Variants in NKAIN2 observed in about 807,000 individuals in gnomAD.
NKAIN2 encodes the protein sodium/potassium transporting ATPase interacting 2, also known as sodium/potassium-transporting ATPase subunit beta-1-interacting protein 2.
A neutral mutation model predicts 32.6 loss-of-function variants in NKAIN2; 14 were observed. The observed-to-expected ratio is 0.43, with a 90% CI of 0.28 to 0.67. The LOEUF (loss-of-function observed/expected upper bound fraction) is 0.67. NKAIN2 is among the 30% of genes least tolerant of loss of function. NKAIN2 has a pLI of 0.17. For synonymous variants in NKAIN2, 80 were observed against 87.2 expected, an observed-to-expected ratio of 0.92 and a Z score of 0.46; for missense variants, 198 against 258.3, an observed-to-expected ratio of 0.77 and a Z score of 1.60.
intron 3 of NKAIN2, among the ~76,000 whole-genome samples, chr6:124,652,500 G>A (rs922649114): frequency 6.6e-5 from 10 of 151,996 alleles, no homozygotes; most frequent in African/African-American, 1.9e-4. Context: ...TCGGGTATTC[G>A]TTATAGTACC....
intron 3 of NKAIN2, among the ~76,000 whole-genome samples, chr6:124,631,709 G>T (rs1428550195): frequency 6.6e-6 from 1 of 152,116 alleles, no homozygotes; most frequent in Non-Finnish European, 1.5e-5. Context: ...TAACTATAAA[G>T]GAGTCTGATC....
chr6:124,704,575 C>T (rs1774956005), intron 4 of NKAIN2, among the ~76,000 whole-genome samples: 1 of 151,482 alleles, frequency 6.6e-6, no homozygotes, highest in Non-Finnish European at 1.5e-5. Flanking sequence ...CATAACCCTA[C>T]TGGGAGAAAA....
At chr6:124,234,246 T>C (rs1339194477) in intron 1 of NKAIN2, among the ~76,000 whole-genome samples, 1 of 152,176 alleles carries the variant, frequency 6.6e-6, no homozygotes, top group Non-Finnish European at 1.5e-5. Context: ...TATTTCTTCC[T>C]CCATTTATGC....
Position 124,625,285 on chromosome 6 carries a change from C to T in NKAIN2, c.274-32901C>T, listed in dbSNP as rs141905194. Reference sequence around the variant, plus strand: ...AAAAAACAAAAATCTTACTTTCAAACGACATAGGCAGCTGTGGTATGGGAG... The same window carrying T: ...AAAAAACAAAAATCTTACTTTCAAATGACATAGGCAGCTGTGGTATGGGAG... On this transcript the variant is annotated intron_variant, in intron 3 of 6. Coordinates refer to ENST00000368417, the MANE Select transcript of NKAIN2 (RefSeq NM_001040214.3). Among the ~76,000 whole-genome samples, 361 of 151,988 alleles carry T rather than the reference C, an allele frequency of 2.4e-3. 6 individuals carry two copies. Among genetic ancestry groups the T allele is most frequent in the African/African-American group, 8.3e-3 (343 of 41,440 alleles).
intron 1 of NKAIN2, among the ~76,000 whole-genome samples, chr6:124,133,968 CAG>C (rs1486379605): frequency 6.6e-6 from 1 of 151,898 alleles, no homozygotes; most frequent in Admixed American, 6.6e-5. Flanking sequence ...TATGACAAAA[CAG>C]AGTTCTATAA....
intron 1 of NKAIN2, among the ~76,000 whole-genome samples, chr6:123,959,441 G>T (rs1038626903): frequency 6.6e-6 from 1 of 152,130 alleles, no homozygotes; most frequent in South Asian, 2.1e-4. Context: ...ATTTAACACT[G>T]GCAACCACTG....
intron 3 of NKAIN2, among the ~76,000 whole-genome samples, chr6:124,636,628 C>T (rs977530339): frequency 1.3e-5 from 2 of 151,894 alleles, no homozygotes; most frequent in Non-Finnish European, 2.9e-5. Flanking sequence ...TTATGAAAAA[C>T]TCTATGCCAA....
At chr6:123,901,232 T>G (rs1242695920) in intron 1 of NKAIN2, among the ~76,000 whole-genome samples, 1 of 152,204 alleles carries the variant, frequency 6.6e-6, no homozygotes, top group African/African-American at 2.4e-5. Flanking sequence ...GGCCATATTT[T>G]CATACTAAGT....
chr6:124,787,890 C>A (rs1329048233), intron 4 of NKAIN2, among the ~76,000 whole-genome samples: 1 of 151,934 alleles, frequency 6.6e-6, no homozygotes, highest in Non-Finnish European at 1.5e-5. Flanking sequence ...AAACACAACC[C>A]CTATCTTTCC....
intron 3 of NKAIN2, among the ~76,000 whole-genome samples, chr6:124,537,280 C>T (rs1031933767): frequency 6.6e-6 from 1 of 152,146 alleles, no homozygotes; most frequent in Non-Finnish European, 1.5e-5. Flanking sequence ...CAGCAAGAAG[C>T]TGGAGAGTTA....
chr6:124,342,508 G>GT (rs1798174496), intron 2 of NKAIN2, among the ~76,000 whole-genome samples: 1 of 149,940 alleles, frequency 6.7e-6, no homozygotes, highest in African/African-American at 2.4e-5. Flanking sequence ...TTTTTTTGTT[G>GT]TTTTTTCTTT....
chr6:124,381,476 T>C (rs1322588), intron 3 of NKAIN2, among the ~76,000 whole-genome samples: 60,150 of 151,940 alleles, frequency 0.4, 12,176 homozygotes, highest in East Asian at 0.52. Flanking sequence ...AGAACCAATG[T>C]ATGAGAAATA....
At chr6:124,084,945 T>G (rs1784125715) in intron 1 of NKAIN2, among the ~76,000 whole-genome samples, 1 of 151,984 alleles carries the variant, frequency 6.6e-6, no homozygotes, top group Non-Finnish European at 1.5e-5. Flanking sequence ...AGCAGGTAAA[T>G]GCTGTAATGA....
chr6:123,837,705 A>C (rs556958627), intron 1 of NKAIN2, among the ~76,000 whole-genome samples: 1 of 152,204 alleles, frequency 6.6e-6, no homozygotes, highest in South Asian at 2.1e-4. Flanking sequence ...AGTCCTTACT[A>C]TGCTCTGACA....
intron 1 of NKAIN2, among the ~76,000 whole-genome samples, chr6:123,896,517 A>G (rs142320469): frequency 6.6e-6 from 1 of 152,194 alleles, no homozygotes; most frequent in Non-Finnish European, 1.5e-5. Flanking sequence ...GAAGAGAACT[A>G]ATATTTGAGC....
intron 3 of NKAIN2, among the ~76,000 whole-genome samples, chr6:124,534,640 A>G (rs1469023686): frequency 6.6e-6 from 1 of 152,228 alleles, no homozygotes; most frequent in Non-Finnish European, 1.5e-5. Context: ...GGGATATGTA[A>G]GAATGGTGCT....
chr6:124,431,779 T>C (rs1027407569), intron 3 of NKAIN2, among the ~76,000 whole-genome samples: 11 of 152,144 alleles, frequency 7.2e-5, no homozygotes, highest in African/African-American at 1.7e-4. Context: ...CACACACATA[T>C]ATAATTGTGT....
chr6:124,293,044 C>T (rs1795889675), intron 2 of NKAIN2, among the ~76,000 whole-genome samples: 1 of 152,088 alleles, frequency 6.6e-6, no homozygotes, highest in African/African-American at 2.4e-5. Context: ...TAGCAAAAAT[C>T]TCAGTCAACT....
intron 3 of NKAIN2, among the ~76,000 whole-genome samples, chr6:124,409,488 T>G (rs1285743776): frequency 2.6e-5 from 4 of 152,084 alleles, no homozygotes; most frequent in South Asian, 2.1e-4. Context: ...TTATATGCTG[T>G]ATTACGTTTA....
Sources: gnomAD v4.1 joint callset for allele counts (sites outside exome capture counted in the v4.1 genomes callset) on GRCh38, gnomAD v4.1.1 for gene constraint, MANE v1.5 for transcripts, NCBI Gene and HGNC (gene_info 2026-07-23, HGNC 2026-07-21) for gene names.